SYNE1: variants seen among roughly 807,000 people sequenced by gnomAD.
The protein encoded by SYNE1 is nesprin-1.
In SYNE1, 616 loss-of-function variants were observed where a neutral mutation model predicts 1,111.0. The observed-to-expected ratio is 0.55, with a 90% confidence interval of 0.52 to 0.59. SYNE1 has a LOEUF of 0.59. Ranked by LOEUF, SYNE1 falls within the 20% of genes least tolerant of loss-of-function variation. The probability of loss-of-function intolerance (pLI) is 0.00; values close to 1 mark genes in which losing one functional copy is unlikely to be tolerated. For synonymous variants in SYNE1, 3,855 were observed against 3,825.8 expected, an observed-to-expected ratio of 1.01 and a Z score of -0.28; for missense variants, 10,006 against 10,417.0, an observed-to-expected ratio of 0.96 and a Z score of 1.72.
intron 3 of SYNE1, among the ~76,000 whole-genome samples, chr6:152,559,157 G>A (rs1278293286): frequency 6.6e-6 from 1 of 152,178 alleles, no homozygotes; most frequent in Non-Finnish European, 1.5e-5. Flanking sequence ...GGGCTAGTGT[G>A]CAGTGGCACT....
intron 64 of SYNE1, 63 bp from the exon 65 acceptor site, chr6:152,359,521 A>G: frequency 6.2e-7 from 1 of 1,600,632 alleles, no homozygotes; most frequent in Non-Finnish European, 8.5e-7. Flanking sequence ...CGACACTGCT[A>G]AAATCAAGAT....
intron 32 of SYNE1, among the ~76,000 whole-genome samples, chr6:152,437,306 C>G (rs2098482683): frequency 6.6e-6 from 1 of 152,142 alleles, no homozygotes; most frequent in African/African-American, 2.4e-5. Context: ...ACCAGTCAAG[C>G]CTGGGCTAGA....
chr6:152,371,901 AGGAAAGGAAAGGAAAG>A (rs1474854588), intron 59 of SYNE1, among the ~76,000 whole-genome samples: 1 of 70,250 alleles, frequency 1.4e-5, no homozygotes, highest in African/African-American at 4.3e-5. Flanking sequence ...AGGAAAGGAA[AGGAAAGGAAAGGAAAG>A]GAAAGGACAG....
intron 74 of SYNE1, among the ~76,000 whole-genome samples, 156 bp from the exon 75 acceptor site, chr6:152,339,522 C>A (rs1262263445): frequency 6.6e-6 from 1 of 152,232 alleles, no homozygotes. Flanking sequence ...TAGTGACTCA[C>A]AGGAAAAAAT....
At chr6:152,226,047 A>C (rs2081500494) in intron 115 of SYNE1, among the ~76,000 whole-genome samples, 171 bp from the exon 116 acceptor site, 1 of 148,492 alleles carries the variant, frequency 6.7e-6, no homozygotes, top group Admixed American at 6.6e-5. Context: ...ACTCAAATGC[A>C]AAAAAAAAGT....
chr6:152,211,842 T>C (rs1287160635), intron 123 of SYNE1, among the ~76,000 whole-genome samples: 1 of 152,152 alleles, frequency 6.6e-6, no homozygotes, highest in Admixed American at 6.5e-5. Flanking sequence ...TTTCTCTTCT[T>C]TCTTTCAAAA....
intron 3 of SYNE1, among the ~76,000 whole-genome samples, chr6:152,623,590 C>T (rs1744374): frequency 0.77 from 117,167 of 151,502 alleles, 45,865 homozygotes; most frequent in African/African-American, 0.91. Context: ...ACACAACCTA[C>T]AGAATGGGAG....
At chr6:152,477,095 A>G (rs1295820659) in intron 14 of SYNE1, among the ~76,000 whole-genome samples, 1 of 152,180 alleles carries the variant, frequency 6.6e-6, no homozygotes, top group Non-Finnish European at 1.5e-5. Flanking sequence ...TCAAATGCAC[A>G]CATTTTTAGA....
chr6:152,448,774 C>T (rs1311813083), intron 28 of SYNE1, among the ~76,000 whole-genome samples: 7 of 151,932 alleles, frequency 4.6e-5, no homozygotes, highest in South Asian at 4.2e-4. Flanking sequence ...CCCAGGAGGT[C>T]GAGGCTGAAG....
At chr6:152,608,150 TAAAATAAATAAATA>T (rs1317475063) in intron 3 of SYNE1, among the ~76,000 whole-genome samples, 21 of 74,460 alleles carry the variant, frequency 2.8e-4, no homozygotes, top group Admixed American at 2.4e-3. Context: ...TACTGGAACT[TAAAATAAATAAATA>T]AAAATAAATA....
intron 3 of SYNE1, among the ~76,000 whole-genome samples, chr6:152,608,957 C>A (rs1447363981): frequency 1.3e-5 from 2 of 151,508 alleles, no homozygotes; most frequent in Non-Finnish European, 2.9e-5. Context: ...AAAAAAAAAT[C>A]AGAGTTAGAC....
chr6:152,381,359 G>A lies in SYNE1; in HGVS notation c.8656C>T (p.Leu2886=). Residue 2886 remains leucine, a synonymous_variant, in exon 56 of 146, where the codon CTG becomes TTG. Transcript: ENST00000367255. ...TQKKLSKIKE[L]IDSREIGASR... ...GCACCAATCTCTCTGGAATCTATCA[G>A]CTCCTGTAATGGAATATCACCATGG... 1.2e-6 allele frequency: 2 copies of A among 1,613,148 alleles called. No homozygotes were observed. The highest frequency in any genetic ancestry group is 1.7e-6 in the Non-Finnish European group (2 of 1,179,996).
intron 123 of SYNE1, among the ~76,000 whole-genome samples, chr6:152,213,223 C>G (rs2077870431): frequency 6.6e-6 from 1 of 152,100 alleles, no homozygotes; most frequent in South Asian, 2.1e-4. Flanking sequence ...TTTTTAAAGA[C>G]TTTTGATCAA....
chr6:152,430,232 A>C lies in SYNE1; in HGVS notation c.4690-22T>G, dbSNP rs370905828. 1,515 of 1,567,246 alleles carry C rather than the reference A, an allele frequency of 9.7e-4. 4 individuals carry two copies. Among genetic ancestry groups the C allele is most frequent in the Non-Finnish European group, 1.2e-3 (1,377 of 1,144,380 alleles). Reference sequence around the variant, plus strand: ...GGATCTAAAACATTGGTGCAATATAAAAATAACAGTGGGAAAGATACATAG... The same window carrying C: ...GGATCTAAAACATTGGTGCAATATACAAATAACAGTGGGAAAGATACATAG... On this transcript the variant is annotated intron_variant, in intron 35 of 145. Transcript: ENST00000367255.
At chr6:152,362,961 A>G (rs558255426) in intron 63 of SYNE1, among the ~76,000 whole-genome samples, 13 of 151,464 alleles carry the variant, frequency 8.6e-5, no homozygotes, top group East Asian at 6.1e-4. Flanking sequence ...GCTCACTGCA[A>G]GCTCTGCCTC....
intron 137 of SYNE1, 119 bp downstream of exon 137, chr6:152,147,926 C>T (rs922505228): frequency 2.0e-5 from 19 of 935,830 alleles, no homozygotes; most frequent in Middle Eastern, 2.2e-4. Flanking sequence ...CACTTAGGTA[C>T]AATTTCCCCG....
intron 122 of SYNE1, 140 bp from the exon 123 acceptor site, chr6:152,213,899 A>G: frequency 1.6e-6 from 2 of 1,287,802 alleles, no homozygotes; most frequent in Non-Finnish European, 2.1e-6. Context: ...TGGTAAAATT[A>G]TTTTAAAAAA....
At chr6:152,537,303 A>T (rs915176025) in intron 4 of SYNE1, among the ~76,000 whole-genome samples, 2 of 152,150 alleles carry the variant, frequency 1.3e-5, no homozygotes, top group African/African-American at 4.8e-5. Flanking sequence ...AACATCAAAA[A>T]AGAACAGATA....
intron 3 of SYNE1, among the ~76,000 whole-genome samples, chr6:152,609,106 T>C (rs530100869): frequency 2.0e-5 from 3 of 151,954 alleles, no homozygotes; most frequent in South Asian, 2.1e-4. Context: ...GTTCCTCTCA[T>C]TGGGACTGGT....
Sources: allele counts gnomAD v4.1 joint callset (sites outside exome capture counted in the v4.1 genomes callset), GRCh38; gene constraint gnomAD v4.1.1; transcripts MANE v1.5; gene names NCBI Gene and HGNC (gene_info 2026-07-23, HGNC 2026-07-21).